Variants in ACAP2 observed in about 807,000 individuals in gnomAD.
The protein encoded by ACAP2 is arf-GAP with coiled-coil, ANK repeat and PH domain-containing protein 2.
Under a neutral mutation model 115.8 loss-of-function variants are expected in ACAP2, and 39 were observed. That is an observed-to-expected ratio of 0.34 (90% CI 0.26 to 0.44). ACAP2 has a LOEUF of 0.44. Among genes scored for constraint, ACAP2 ranks in the 20% least tolerant of loss-of-function variants. The probability of loss-of-function intolerance (pLI) is 1.00; values close to 1 mark genes in which losing one functional copy is unlikely to be tolerated. For missense variants in ACAP2, 662 were observed against 927.6 expected (o/e 0.71, Z 3.72); for synonymous variants, 289 against 315.8 (o/e 0.92, Z 0.90).
At chr3:195,375,799 C>A (rs1460154684) in intron 4 of ACAP2, among the ~76,000 whole-genome samples, 1 of 152,166 alleles carries the variant, frequency 6.6e-6, no homozygotes, top group East Asian at 1.9e-4. Flanking sequence ...CAGAGCAAGA[C>A]CCTGTCTCAA....
intron 1 of ACAP2, among the ~76,000 whole-genome samples, chr3:195,422,672 C>T (rs1714283149): frequency 6.6e-6 from 1 of 151,944 alleles, no homozygotes; most frequent in Non-Finnish European, 1.5e-5. Context: ...GAGACAAAGT[C>T]GTGCCATGTT....
At position 195,342,589 on chromosome 3, in the gene ACAP2, G is replaced by A. The variant is rs761386232; in HGVS notation, c.410C>T (p.Ala137Val). The change falls in exon 6 of 23, where the codon GCG becomes GTG. Residue 137 changes from alanine (A) to valine (V), a missense_variant. This residue lies in a region of ACAP2 where 401 missense variants were observed against 604.4 expected (regional missense o/e 0.66). Transcript: ENST00000326793. ...FEKVSEEKEN[A>V]LVKNAQVQRN... ...TTGTACTTGGGCATTTTTTACTAAC[G>A]CATTTTCTTTTTCTTCACTGACTTT... 4.3e-6 allele frequency: 7 copies of A among 1,611,068 alleles called. No individual in the cohort carries two copies. Among genetic ancestry groups the A allele is most frequent in the Non-Finnish European group, 5.9e-6 (7 of 1,179,102 alleles).
intron 4 of ACAP2, among the ~76,000 whole-genome samples, chr3:195,363,371 G>A (rs558709856): frequency 5.9e-5 from 9 of 152,190 alleles, no homozygotes; most frequent in South Asian, 2.1e-4. Flanking sequence ...GGCCGGGCAC[G>A]GTGGCTCATG....
intron 6 of ACAP2, 147 bp from the exon 7 acceptor site, chr3:195,337,123 C>A: frequency 1.5e-6 from 1 of 661,288 alleles, no homozygotes; most frequent in Non-Finnish European, 2.5e-6. Context: ...CTTCAACTAT[C>A]CTTTTGCAAA....
At chr3:195,297,773 G>C (rs749985817) in intron 15 of ACAP2, among the ~76,000 whole-genome samples, 2 of 152,068 alleles carry the variant, frequency 1.3e-5, no homozygotes, top group Non-Finnish European at 2.9e-5. Flanking sequence ...AATTATTTTT[G>C]AACTTTTACC....
chr3:195,289,056 T>C, intron 21 of ACAP2, 65 bp downstream of exon 21: 1 of 1,309,070 alleles, frequency 7.6e-7, no homozygotes, highest in Non-Finnish European at 1.1e-6. Flanking sequence ...TAATTCACTG[T>C]GGATAACCGA....
chr3:195,418,657 T>C (rs1361355473), intron 1 of ACAP2, among the ~76,000 whole-genome samples: 1 of 152,164 alleles, frequency 6.6e-6, no homozygotes, highest in Non-Finnish European at 1.5e-5. Flanking sequence ...CTCAAACACC[T>C]GGCCTCAAGC....
chr3:195,435,628 G>C (rs1459619716), intron 1 of ACAP2, among the ~76,000 whole-genome samples: 3 of 152,090 alleles, frequency 2.0e-5, no homozygotes, highest in Non-Finnish European at 2.9e-5. Context: ...ACTTAGAAGT[G>C]TACTGCTAAT....
intron 21 of ACAP2, among the ~76,000 whole-genome samples, chr3:195,288,912 A>C (rs187909024): frequency 6.6e-6 from 1 of 152,308 alleles, no homozygotes; most frequent in Non-Finnish European, 1.5e-5. Flanking sequence ...TAGCATTTCC[A>C]TTGTATTAAG....
rs532644792 is a variant in ACAP2 at position 195,286,500 on chromosome 3, G to A, written c.2175-643C>T. Among the ~76,000 whole-genome samples the A allele has an allele frequency of 2.6e-4, 39 of 152,246 alleles. 3 individuals are homozygous for A. In the South Asian group the frequency reaches 7.1e-3, roughly 28 times the overall value. On this transcript the variant is annotated intron_variant, in intron 21 of 22. Coordinates refer to ENST00000326793, the MANE Select transcript of ACAP2 (RefSeq NM_012287.6). ...TTTAAAATAGGCAAATATTGTGTTT[G>A]GTACCCCTCTCCTACTCTGTACCTC... is the stretch of plus-strand genomic sequence containing the variant.
chr3:195,306,720 C>T, intron 12 of ACAP2, 104 bp from the exon 13 acceptor site: 1 of 761,636 alleles, frequency 1.3e-6, no homozygotes, highest in Non-Finnish European at 2.1e-6. Context: ...ATTTTCTAGC[C>T]AAAAATATAT....
intron 1 of ACAP2, among the ~76,000 whole-genome samples, chr3:195,437,814 CAAAAAAA>C (rs535209837): frequency 2.7e-5 from 1 of 36,400 alleles, no homozygotes; most frequent in African/African-American, 9.3e-5. Flanking sequence ...GACTCTGTCT[CAAAAAAA>C]AAAAAAAAAA....
chr3:195,339,062 C>A (rs1730701555), intron 6 of ACAP2, among the ~76,000 whole-genome samples: 1 of 152,128 alleles, frequency 6.6e-6, no homozygotes, highest in Non-Finnish European at 1.5e-5. Context: ...GAAACCCCAT[C>A]TCTACTAAAA....
At chr3:195,399,303 T>C (rs1712067385) in intron 1 of ACAP2, among the ~76,000 whole-genome samples, 1 of 152,154 alleles carries the variant, frequency 6.6e-6, no homozygotes, top group Admixed American at 6.5e-5. Context: ...TTTAAAAGTG[T>C]TTTGTTTGGC....
intron 1 of ACAP2, among the ~76,000 whole-genome samples, chr3:195,393,890 G>T (rs1001322403): frequency 6.2e-5 from 9 of 145,456 alleles, no homozygotes; most frequent in African/African-American, 1.8e-4. Flanking sequence ...ATATTGGGGG[G>T]GGGGGAAGCA....
chr3:195,431,135 A>C (rs538636528), intron 1 of ACAP2, among the ~76,000 whole-genome samples: 14 of 152,318 alleles, frequency 9.2e-5, no homozygotes, highest in African/African-American at 3.4e-4. Context: ...AAAATTATAT[A>C]ATATATGGCT....
At chr3:195,424,762 A>T (rs1002287686) in intron 1 of ACAP2, among the ~76,000 whole-genome samples, 10 of 151,626 alleles carry the variant, frequency 6.6e-5, no homozygotes, top group Admixed American at 2.0e-4. Flanking sequence ...CAAAAAATTT[A>T]AAAAATTAGC....
chr3:195,327,883 A>G (rs1422865905), intron 8 of ACAP2, among the ~76,000 whole-genome samples: 3 of 152,096 alleles, frequency 2.0e-5, no homozygotes, highest in African/African-American at 7.2e-5. Flanking sequence ...GCAGGCCAAG[A>G]TCGCACCACT....
chr3:195,345,195 T>C, intron 5 of ACAP2, 64 bp downstream of exon 5: 1 of 1,127,874 alleles, frequency 8.9e-7, no homozygotes, highest in African/African-American at 1.5e-5. Flanking sequence ...TTCCAAAAGA[T>C]ACGAATTCTC....
Sources: gnomAD v4.1 joint callset for allele counts (sites outside exome capture counted in the v4.1 genomes callset) on GRCh38, gnomAD v4.1.1 for gene constraint, gnomAD v4.1.1 regional missense constraint, MANE v1.5 for transcripts, NCBI Gene and HGNC (gene_info 2026-07-23, HGNC 2026-07-21) for gene names.